The following DNAH14 variants were observed in gnomAD, a reference collection of about 807,000 sequenced individuals.
DNAH14 encodes the protein axonemal beta dynein heavy chain 14.
In DNAH14, 478 loss-of-function variants were observed where a neutral mutation model predicts 520.9. That is an observed-to-expected ratio of 0.92 (90% CI 0.85 to 0.99). The LOEUF is 0.99. DNAH14 is among the 50% of genes least tolerant of loss of function. The pLI, the probability that DNAH14 is intolerant of heterozygous loss-of-function variation, is 0.00. For synonymous variants in DNAH14, 1,581 were observed against 1,757.2 expected (o/e 0.90, Z 2.51); for missense variants, 4,831 against 5,234.5 (o/e 0.92, Z 2.38).
chr1:225,395,470 T>C (rs1022386596), intron 84 of DNAH14, among the ~76,000 whole-genome samples: 5 of 151,646 alleles, frequency 3.3e-5, no homozygotes, highest in South Asian at 4.2e-4. Context: ...CGGGCGCCTG[T>C]AGTCCCAGCT....
chr1:224,951,644 A>ATTTTTT (rs67437504), intron 1 of DNAH14, among the ~76,000 whole-genome samples: 14 of 80,150 alleles, frequency 1.7e-4, no homozygotes, highest in South Asian at 4.4e-4. Flanking sequence ...AGATTTCTGG[A>ATTTTTT]TTTTTTTTTT....
chr1:225,179,863 A>G (rs1303507932), intron 36 of DNAH14, among the ~76,000 whole-genome samples: 1 of 152,080 alleles, frequency 6.6e-6, no homozygotes, highest in Non-Finnish European at 1.5e-5. Flanking sequence ...TCATGTTAGA[A>G]GAGTGGGTTT....
intron 1 of DNAH14, among the ~76,000 whole-genome samples, chr1:224,936,323 C>G (rs2059033490): frequency 6.6e-6 from 1 of 151,228 alleles, no homozygotes; most frequent in Non-Finnish European, 1.5e-5. Context: ...CAACCACCAG[C>G]AAGACAAACC....
intron 41 of DNAH14, among the ~76,000 whole-genome samples, chr1:225,217,849 C>G (rs2089586795): frequency 6.6e-6 from 1 of 152,160 alleles, no homozygotes; most frequent in Admixed American, 6.5e-5. Context: ...CTTGGGCTTC[C>G]CGGGTGAGGC....
chr1:225,007,774 A>AT (rs1254790147), intron 10 of DNAH14, among the ~76,000 whole-genome samples: 2 of 151,996 alleles, frequency 1.3e-5, no homozygotes, highest in African/African-American at 2.4e-5. Flanking sequence ...ATATATGTGT[A>AT]TATCTATATA....
intron 17 of DNAH14, among the ~76,000 whole-genome samples, chr1:225,073,518 A>T (rs1406879246): frequency 6.6e-6 from 1 of 152,002 alleles, no homozygotes; most frequent in Non-Finnish European, 1.5e-5. Flanking sequence ...CTGGGGTGCC[A>T]CCTCTGCCCC....
intron 7 of DNAH14, among the ~76,000 whole-genome samples, chr1:224,972,556 C>T (rs2061562424): frequency 6.6e-6 from 1 of 151,928 alleles, no homozygotes; most frequent in African/African-American, 2.4e-5. Flanking sequence ...AGCTCCGCCT[C>T]CCGGGTTCAC....
intron 84 of DNAH14, 35 bp downstream of exon 84, chr1:225,392,486 C>A (rs1354738843): frequency 6.5e-7 from 1 of 1,544,334 alleles, no homozygotes; most frequent in East Asian, 2.4e-5. Context: ...AAACGGTGAT[C>A]ATTCATTCAT....
chr1:225,013,678 G>A (rs2064985144), intron 10 of DNAH14, among the ~76,000 whole-genome samples: 1 of 152,206 alleles, frequency 6.6e-6, no homozygotes. Context: ...TAGAGAAGCA[G>A]TCTAGCTACA....
intron 11 of DNAH14, among the ~76,000 whole-genome samples, chr1:225,027,844 A>C (rs918405726): frequency 7.3e-6 from 1 of 136,924 alleles, no homozygotes; most frequent in African/African-American, 2.6e-5. Context: ...TTGTCATGAA[A>C]TAGTGTTGGA....
In DNAH14 at chr1:225,380,204, C is replaced by T; in HGVS notation, c.12762C>T (p.Asp4254=). The change falls in exon 80 of 86, where the codon GAC becomes GAT. Residue 4254 remains aspartate (D), a synonymous_variant. Coordinates refer to ENST00000682510, the MANE Select transcript of DNAH14 (RefSeq NM_001367479.1). ...KDELVMEILS[D]LLKRLPLTVE... ...AACTGGTGATGGAAATTCTATCCGACTTGCTAAAGCGGCTGCCACTGACAG... is the reference window on the plus strand; with the variant it reads ...AACTGGTGATGGAAATTCTATCCGATTTGCTAAAGCGGCTGCCACTGACAG... 4.5e-6 allele frequency: 7 copies of T among 1,551,596 alleles called. No individual in the cohort carries two copies. Among genetic ancestry groups the T allele is most frequent in the Non-Finnish European group, 6.1e-6 (7 of 1,146,974 alleles).
In DNAH14 at chr1:225,285,936, T is replaced by C. The variant is rs191155659; in HGVS notation, c.8272-3949T>C. 4.7e-3 allele frequency among the ~76,000 whole-genome samples: 718 copies of C among 152,336 alleles called. 4 individuals are homozygous for C. The highest frequency in any genetic ancestry group is 0.016 in the African/African-American group (682 of 41,592). ...GTACATATATACCACATTTCCTCTA[T>C]CTGTTCTTCTGTTGATGGACATTTG... On this transcript the variant is annotated intron_variant, in intron 54 of 85. Coordinates refer to ENST00000682510, the MANE Select transcript of DNAH14 (RefSeq NM_001367479.1).
chr1:225,235,105 G>A (rs2091478526), intron 42 of DNAH14, among the ~76,000 whole-genome samples: 1 of 152,156 alleles, frequency 6.6e-6, no homozygotes, highest in Non-Finnish European at 1.5e-5. Context: ...GTGAAAGACA[G>A]CATCCTTCTC....
At chr1:225,160,830 T>C (rs1375714288) in intron 35 of DNAH14, among the ~76,000 whole-genome samples, 2 of 152,166 alleles carry the variant, frequency 1.3e-5, no homozygotes, top group Admixed American at 6.5e-5. Flanking sequence ...TTCTTTCTGT[T>C]CACTTAATAT....
chr1:225,267,856 A>C (rs1336402094), intron 49 of DNAH14, among the ~76,000 whole-genome samples: 3 of 151,788 alleles, frequency 2.0e-5, no homozygotes, highest in African/African-American at 7.3e-5. Context: ...AACAACCCTC[A>C]AGCCAAGGCA....
chr1:225,169,769 C>T (rs114928540), intron 36 of DNAH14, among the ~76,000 whole-genome samples: 2,467 of 152,162 alleles, frequency 0.016, 53 homozygotes, highest in East Asian at 0.053. Context: ...TAATGGAGAA[C>T]GCCACAAAGA....
chr1:225,362,475 T>C (rs1169957442), intron 75 of DNAH14, among the ~76,000 whole-genome samples: 1 of 151,326 alleles, frequency 6.6e-6, no homozygotes, highest in African/African-American at 2.4e-5. Flanking sequence ...CTCAGGAGGC[T>C]GAGGCAGGAG....
chr1:225,358,501 AG>A lies in DNAH14; in HGVS notation c.11626del (p.Val3876PhefsTer7), dbSNP rs2095456943. On this transcript the variant is annotated frameshift_variant, in exon 74 of 86. Transcript: ENST00000682510. LOFTEE classifies it high-confidence loss of function. ...TTCCATGTTTTCTTTTTTAGGTAAAAGTTCTTAGACCAGAAAGTTTAAACAA... is the reference window on the plus strand; with the variant it reads ...TTCCATGTTTTCTTTTTTAGGTAAAATTCTTAGACCAGAAAGTTTAAACAA... ...TSFQRLILVK[V>X]LRPESLNNSV... The A allele has an allele frequency of 6.6e-6, 10 of 1,509,626 alleles. No homozygotes were observed. The highest frequency in any genetic ancestry group is 8.8e-6 in the Non-Finnish European group (10 of 1,131,374). The allele number at this position is 1,509,626 out of a possible 1,614,324, so 93.5% of individuals were successfully genotyped here. A position where few individuals can be genotyped will look rare whatever the true frequency, so the allele number is the denominator to read the frequency against.
chr1:225,233,038 A>T, intron 42 of DNAH14, among the ~76,000 whole-genome samples: 1 of 152,112 alleles, frequency 6.6e-6, no homozygotes, highest in East Asian at 1.9e-4. Context: ...GCTCCAACTT[A>T]TAAGTGAGAA....
Sources: gnomAD v4.1 joint callset for allele counts (sites outside exome capture counted in the v4.1 genomes callset) on GRCh38, gnomAD v4.1.1 for gene constraint, MANE v1.5 for transcripts, NCBI Gene and HGNC (gene_info 2026-07-23, HGNC 2026-07-21) for gene names.